PTPRK: variants seen among roughly 807,000 people sequenced by gnomAD.
PTPRK encodes receptor-type tyrosine-protein phosphatase kappa.
PTPRK carries 75 observed loss-of-function variants against 178.0 expected under a neutral mutation model. That is an observed-to-expected ratio of 0.42 (90% CI 0.35 to 0.51). The LOEUF is 0.51. PTPRK is among the 20% of genes least tolerant of loss of function. The pLI, the probability that PTPRK is intolerant of heterozygous loss-of-function variation, is 0.02. For missense variants in PTPRK, 1,441 were observed against 1,797.8 expected (o/e 0.80, Z 3.59); for synonymous variants, 637 against 620.6 (o/e 1.03, Z -0.39).
rs1192733427 is a variant in PTPRK at position 128,245,752 on chromosome 6, T to C, written c.496-3150A>G. ...GTATTTGGTGGGAACATAATTCCCA[T>C]GTCATTTTGTAAATACTGGAACAAG... On this transcript the variant is annotated intron_variant, in intron 3 of 29. Coordinates refer to ENST00000368226, the MANE Select transcript of PTPRK (RefSeq NM_002844.4). Among the ~76,000 whole-genome samples the C allele has an allele frequency of 3.3e-5, 5 of 152,304 alleles. No homozygotes were observed. In the East Asian group the frequency reaches 5.8e-4, roughly 18 times the overall value.
intron 11 of PTPRK, among the ~76,000 whole-genome samples, chr6:128,072,231 T>A (rs1157708025): frequency 6.6e-6 from 1 of 152,036 alleles, no homozygotes; most frequent in African/African-American, 2.4e-5. Flanking sequence ...ACACAAAATG[T>A]GACTTCCTTA....
At chr6:128,219,815 A>G (rs1004983059) in intron 5 of PTPRK, among the ~76,000 whole-genome samples, 1 of 152,190 alleles carries the variant, frequency 6.6e-6, no homozygotes, top group Non-Finnish European at 1.5e-5. Context: ...GAAGAGTAAG[A>G]GCATTGCCTG....
At chr6:128,324,065 C>G (rs1201495861) in intron 2 of PTPRK, among the ~76,000 whole-genome samples, 2 of 152,100 alleles carry the variant, frequency 1.3e-5, no homozygotes, top group African/African-American at 4.8e-5. Context: ...GCAGACCAAT[C>G]ATTCCTTTCA....
chr6:128,017,384 G>C (rs1426544101), intron 13 of PTPRK, among the ~76,000 whole-genome samples: 1 of 151,762 alleles, frequency 6.6e-6, no homozygotes, highest in Non-Finnish European at 1.5e-5. Context: ...TCTTGAAAGT[G>C]AGTTACTTTC....
Position 128,078,891 on chromosome 6 carries a change from A to G in PTPRK, c.1805T>C (p.Val602Ala), listed in dbSNP as rs767114634. The change falls in exon 11 of 30, where the codon GTT becomes GCT. Residue 602 changes from valine to alanine, a missense_variant. Physicochemically the swap from Val to Ala is moderately conservative, Grantham distance 64 (BLOSUM62 0). This residue lies in a region of PTPRK where 945 missense variants were observed against 1,080.6 expected (regional missense o/e 0.87). Transcript: ENST00000368226. The part of the protein sequence containing the change: ...SAPTLPDYEG[V>A]DASLNETATT... ...GGCAGTTTCATTGAGAGAGGCATCA[A>G]CTCCTTCATAGTCAGGTAAAGTTGG... 8 of 1,611,578 alleles carry G rather than the reference A, an allele frequency of 5.0e-6. No individual in the cohort carries two copies. Among genetic ancestry groups the G allele is most frequent in the African/African-American group, 1.3e-5 (1 of 74,750 alleles).
intron 6 of PTPRK, among the ~76,000 whole-genome samples, chr6:128,197,766 C>A (rs1805157657): frequency 6.6e-6 from 1 of 151,760 alleles, no homozygotes; most frequent in Non-Finnish European, 1.5e-5. Flanking sequence ...ACAAAAAGAA[C>A]ATGAAATAAA....
At chr6:128,308,809 T>A (rs546878369) in intron 3 of PTPRK, among the ~76,000 whole-genome samples, 2 of 152,274 alleles carry the variant, frequency 1.3e-5, no homozygotes, top group South Asian at 4.1e-4. Context: ...CTTCTGTACA[T>A]CAATTCTTCT....
chr6:128,160,777 T>A (rs1175000904), intron 7 of PTPRK, among the ~76,000 whole-genome samples: 1 of 151,432 alleles, frequency 6.6e-6, no homozygotes, highest in African/African-American at 2.4e-5. Context: ...TATTTTAATA[T>A]AAATTTATAT....
chr6:128,421,431 T>C (rs1023286534), intron 1 of PTPRK, among the ~76,000 whole-genome samples: 4 of 152,190 alleles, frequency 2.6e-5, no homozygotes. Context: ...AAAGTGAGAA[T>C]AAGAGAATGG....
intron 3 of PTPRK, among the ~76,000 whole-genome samples, chr6:128,249,998 G>A (rs1583697685): frequency 6.6e-6 from 1 of 152,260 alleles, no homozygotes; most frequent in African/African-American, 2.4e-5. Flanking sequence ...CCCCCATCCT[G>A]TTCTCATGGT....
chr6:127,998,845 A>T lies in PTPRK; in HGVS notation c.2554T>A (p.Cys852Ser). The change falls in exon 16 of 30, where the codon TGT (cysteine) becomes AGT (serine). Residue 852 changes from cysteine (C) to serine (S), a missense_variant. Around this residue, in one of 4 missense-constraint regions of PTPRK, gnomAD observed 945 missense variants for 1,080.6 expected, o/e 0.87. Coordinates refer to ENST00000368226, the MANE Select transcript of PTPRK (RefSeq NM_002844.4). Reference sequence around the variant, plus strand: ...TGGTAAGGGGATTCCGTCCCCTCACAGAGGTAGCGAGGTACGTCTAGAAGG... The same window carrying T: ...TGGTAAGGGGATTCCGTCCCCTCACTGAGGTAGCGAGGTACGTCTAGAAGG... ...SRLLDVPRYL[C>S]EGTESPYQTG... 6.2e-7 allele frequency: 1 copy of T among 1,606,378 alleles called. No individual in the cohort carries two copies. Among genetic ancestry groups the T allele is most frequent in the Non-Finnish European group, 8.5e-7 (1 of 1,175,104 alleles).
At chr6:128,447,797 T>A (rs1305948157) in intron 1 of PTPRK, among the ~76,000 whole-genome samples, 1 of 152,024 alleles carries the variant, frequency 6.6e-6, no homozygotes, top group Non-Finnish European at 1.5e-5. Context: ...CTAATTTTTG[T>A]ATTTTTAGTA....
intron 1 of PTPRK, among the ~76,000 whole-genome samples, chr6:128,495,401 T>C (rs1244267733): frequency 6.6e-6 from 1 of 152,098 alleles, no homozygotes; most frequent in African/African-American, 2.4e-5. Context: ...TTATGTGAAC[T>C]GTAAGGAAAA....
chr6:128,373,191 T>G (rs1165977526), intron 2 of PTPRK, among the ~76,000 whole-genome samples: 4 of 152,304 alleles, frequency 2.6e-5, no homozygotes, highest in African/African-American at 4.8e-5. Flanking sequence ...ATATACTATT[T>G]AAATAAAGTT....
At chr6:128,380,529 C>A (rs1224207557) in intron 2 of PTPRK, among the ~76,000 whole-genome samples, 1 of 95,702 alleles carries the variant, frequency 1.0e-5, no homozygotes, top group African/African-American at 3.6e-5. Context: ...CACCTTCCTA[C>A]ACACAGACAT....
chr6:128,358,073 C>T (rs1834188891), intron 2 of PTPRK, among the ~76,000 whole-genome samples: 2 of 152,158 alleles, frequency 1.3e-5, no homozygotes, highest in African/African-American at 2.4e-5. Context: ...AAGTTAAATT[C>T]AATATAGTTT....
At chr6:128,370,436 A>G (rs1370976714) in intron 2 of PTPRK, among the ~76,000 whole-genome samples, 1 of 152,124 alleles carries the variant, frequency 6.6e-6, no homozygotes, top group Admixed American at 6.6e-5. Flanking sequence ...CATTTCCTAA[A>G]TAAAATATTT....
intron 2 of PTPRK, among the ~76,000 whole-genome samples, chr6:128,358,396 T>C (rs1018818739): frequency 6.6e-6 from 1 of 152,210 alleles, no homozygotes; most frequent in East Asian, 1.9e-4. Context: ...AAGAGTTCAA[T>C]ACCTGCTACA....
chr6:128,427,158 T>C (rs148553037), intron 1 of PTPRK, among the ~76,000 whole-genome samples: 99 of 152,354 alleles, frequency 6.5e-4, no homozygotes, highest in South Asian at 1.2e-3. Context: ...TGCCACTCTA[T>C]GCGCCAGAGA....
Sources: gnomAD v4.1 joint callset for allele counts (sites outside exome capture counted in the v4.1 genomes callset) on GRCh38, gnomAD v4.1.1 for gene constraint, gnomAD v4.1.1 regional missense constraint, MANE v1.5 for transcripts, NCBI Gene and HGNC (gene_info 2026-07-23, HGNC 2026-07-21) for gene names.